SHROOM3: variants seen among roughly 807,000 people sequenced by gnomAD.
SHROOM3 encodes the protein protein Shroom3.
SHROOM3 carries 47 observed loss-of-function variants against 138.6 expected under a neutral mutation model. The ratio of observed to expected loss-of-function variants is 0.34; its 90% CI spans 0.27 to 0.43. The LOEUF is 0.43. Among genes scored for constraint, SHROOM3 ranks in the 20% least tolerant of loss-of-function variants. The pLI, the probability that SHROOM3 is intolerant of heterozygous loss-of-function variation, is 1.00. For missense variants in SHROOM3, 2,491 were observed against 2,596.5 expected, an observed-to-expected ratio of 0.96 and a Z score of 0.88; for synonymous variants, 1,062 against 1,063.3, an observed-to-expected ratio of 1.00 and a Z score of 0.02.
At chr4:76,457,937 AG>A (rs1280626754) in intron 1 of SHROOM3, among the ~76,000 whole-genome samples, 1 of 151,180 alleles carries the variant, frequency 6.6e-6, no homozygotes, top group Non-Finnish European at 1.5e-5. Context: ...CTGGGATTAC[AG>A]GTGCCCACCA....
intron 1 of SHROOM3, among the ~76,000 whole-genome samples, chr4:76,475,656 A>G (rs183509341): frequency 5.3e-5 from 8 of 152,372 alleles, no homozygotes; most frequent in African/African-American, 1.7e-4. Flanking sequence ...TTTTGAATAC[A>G]TGCTTAAGGG....
At chr4:76,639,596 A>T (rs948451399) in intron 2 of SHROOM3, 1 of 398,400 alleles carries the variant, frequency 2.5e-6, no homozygotes, top group Non-Finnish European at 4.4e-6. Flanking sequence ...CCTGGCTCTG[A>T]TGCTTCCCAG....
chr4:76,612,617 G>A (rs539106108), intron 2 of SHROOM3, among the ~76,000 whole-genome samples: 2 of 152,198 alleles, frequency 1.3e-5, no homozygotes, highest in East Asian at 3.9e-4. Flanking sequence ...TATTATTTCA[G>A]GCAAGATTTA....
chr4:76,536,398 T>G (rs541023208), intron 1 of SHROOM3, among the ~76,000 whole-genome samples: 1 of 152,302 alleles, frequency 6.6e-6, no homozygotes, highest in East Asian at 1.9e-4. Flanking sequence ...AAAACTAAGC[T>G]GTATTGATTT....
chr4:76,740,899 G>A lies in SHROOM3; in HGVS notation c.2726G>A (p.Gly909Asp). ...EREPEWRDRP[G>D]SPESPLLDAP... ...GAGCCCGAGTGGCGGGACAGGCCCG[G>A]CTCGCCCGAATCGCCCCTGCTGGAT... Residue 909 changes from glycine to aspartate, a missense_variant, in exon 5 of 11, where the codon GGC becomes GAC. Coordinates refer to ENST00000296043, the MANE Select transcript of SHROOM3 (RefSeq NM_020859.4). This position sits in a 1 kb window ranked among gnomAD's most constrained non-coding sequence, Gnocchi z 4.0. The A allele has an allele frequency of 6.6e-7, 1 of 1,511,688 alleles. No individual in the cohort carries two copies. Among genetic ancestry groups the A allele is most frequent in the Non-Finnish European group, 8.8e-7 (1 of 1,134,156 alleles). 93.6% of individuals were successfully genotyped at this position (1,511,688 alleles called of 1,614,324 possible).
chr4:76,609,450 T>C (rs546018236), intron 2 of SHROOM3, among the ~76,000 whole-genome samples: 2 of 152,278 alleles, frequency 1.3e-5, no homozygotes, highest in East Asian at 3.9e-4. Flanking sequence ...GCCCAGCTAA[T>C]TTTTGTTTTT....
At chr4:76,621,701 T>C (rs1484645517) in intron 2 of SHROOM3, among the ~76,000 whole-genome samples, 2 of 152,238 alleles carry the variant, frequency 1.3e-5, no homozygotes, top group African/African-American at 4.8e-5. Context: ...TGTTAACATC[T>C]GAACTAATAT....
chr4:76,656,984 C>T (rs1026553690), intron 2 of SHROOM3, among the ~76,000 whole-genome samples: 1 of 151,964 alleles, frequency 6.6e-6, no homozygotes, highest in South Asian at 2.1e-4. Flanking sequence ...CCAGCCTGGC[C>T]GACATAGTGA....
intron 2 of SHROOM3, among the ~76,000 whole-genome samples, chr4:76,674,376 G>C (rs988709716): frequency 6.6e-6 from 1 of 151,940 alleles, no homozygotes; most frequent in South Asian, 2.1e-4. Flanking sequence ...AGGTGAGACA[G>C]GAACTCATTC....
chr4:76,447,780 G>T (rs1325199507), intron 1 of SHROOM3, among the ~76,000 whole-genome samples: 2 of 152,286 alleles, frequency 1.3e-5, no homozygotes, highest in African/African-American at 4.8e-5. Flanking sequence ...TAGTTGCATG[G>T]TGTTGCTCTT....
intron 2 of SHROOM3, among the ~76,000 whole-genome samples, chr4:76,691,214 G>A (rs1719526671): frequency 6.6e-6 from 1 of 152,154 alleles, no homozygotes; most frequent in Admixed American, 6.5e-5. Context: ...AGGTTACCAA[G>A]GGATGTTGTA....
rs575502546 is a variant in SHROOM3, at chr4:76,551,931, G to T, written c.169-3678G>T. 5.8e-3 allele frequency among the ~76,000 whole-genome samples: 871 copies of T among 150,732 alleles called. 12 individuals carry two copies. The highest frequency in any genetic ancestry group is 0.019 in the African/African-American group (782 of 41,082). On this transcript the variant is annotated intron_variant, in intron 1 of 10. Transcript: ENST00000296043. Reference sequence around the variant, plus strand: ...GGCTGGAGTGCAGTGGTGCGATCTCGGCTCACTGCAAGCTCTGCCTCCTGG... The same window carrying T: ...GGCTGGAGTGCAGTGGTGCGATCTCTGCTCACTGCAAGCTCTGCCTCCTGG...
At chr4:76,615,894 G>A (rs532480524) in intron 2 of SHROOM3, among the ~76,000 whole-genome samples, 2 of 152,228 alleles carry the variant, frequency 1.3e-5, no homozygotes, top group East Asian at 3.9e-4. Flanking sequence ...GGAACTCCAC[G>A]CTAATCTCCT....
At chr4:76,458,256 A>C (rs1443488106) in intron 1 of SHROOM3, among the ~76,000 whole-genome samples, 2 of 152,220 alleles carry the variant, frequency 1.3e-5, no homozygotes, top group African/African-American at 4.8e-5. Flanking sequence ...TCCCAGTTTT[A>C]TTTACTTACA....
At position 76,754,365 on chromosome 4, in the gene SHROOM3, T is replaced by A. The variant is rs1277854747; in HGVS notation, c.3882T>A (p.His1294Gln). The change falls in exon 7 of 11, where the codon CAT (histidine) becomes CAA (glutamine). Residue 1294 changes from histidine (H) to glutamine (Q), a missense_variant. His to Gln is a conservative substitution (Grantham distance 24). This residue lies in a region of SHROOM3 where 1,733 missense variants were observed against 1,661.6 expected (regional missense o/e 1.04). Coordinates refer to ENST00000296043, the MANE Select transcript of SHROOM3 (RefSeq NM_020859.4). ...AAGAGATGCTGCCGCTCTTCCACCA[T>A]CTCACCCCTCGTTGGGGTGGTTCAG... ...GQEEMLPLFH[H>Q]LTPRWGGSGC... The A allele has an allele frequency of 6.2e-7, 1 of 1,614,020 alleles. No homozygotes were observed. The highest frequency in any genetic ancestry group is 8.5e-7 in the Non-Finnish European group (1 of 1,180,020).
chr4:76,492,797 G>T (rs1731880944), intron 1 of SHROOM3, among the ~76,000 whole-genome samples: 2 of 152,060 alleles, frequency 1.3e-5, no homozygotes, highest in South Asian at 4.2e-4. Context: ...TTGGGCTGGG[G>T]GTCTTCCCTA....
chr4:76,706,522 T>C (rs1350537857), intron 2 of SHROOM3, among the ~76,000 whole-genome samples: 3 of 152,348 alleles, frequency 2.0e-5, no homozygotes, highest in East Asian at 3.9e-4. Context: ...TGTCTTCATG[T>C]TGACTAGGCT....
chr4:76,610,633 G>GT (rs1560564225), intron 2 of SHROOM3, among the ~76,000 whole-genome samples: 1 of 152,236 alleles, frequency 6.6e-6, no homozygotes, highest in Admixed American at 6.5e-5. Context: ...TCATATGTGT[G>GT]TTTTTTCCAC....
chr4:76,510,677 C>T (rs946672269), intron 1 of SHROOM3, among the ~76,000 whole-genome samples: 1 of 152,194 alleles, frequency 6.6e-6, no homozygotes, highest in Admixed American at 6.5e-5. Context: ...TGGATTTGGA[C>T]AGACTGGCTT....
Sources: gnomAD v4.1 joint callset for allele counts (sites outside exome capture counted in the v4.1 genomes callset) on GRCh38, gnomAD v4.1.1 for gene constraint, gnomAD v4.1.1 regional missense constraint, Gnocchi (gnomAD v3.1) non-coding constraint, MANE v1.5 for transcripts, NCBI Gene and HGNC (gene_info 2026-07-23, HGNC 2026-07-21) for gene names.